Variants in ADK observed in about 807,000 individuals in gnomAD.
The protein encoded by ADK is N6,N6-dimethyladenosine kinase.
In ADK, 24 loss-of-function variants were observed where a neutral mutation model predicts 44.7. The ratio of observed to expected loss-of-function variants is 0.54; its 90% CI spans 0.39 to 0.76. The LOEUF is 0.76. Ranked by LOEUF, ADK falls within the 30% of genes least tolerant of loss-of-function variation. The pLI is 0.00. For missense variants in ADK, 321 were observed against 425.1 expected, an observed-to-expected ratio of 0.76 and a Z score of 2.15; for synonymous variants, 128 against 142.6, an observed-to-expected ratio of 0.90 and a Z score of 0.73.
intron 7 of ADK, among the ~76,000 whole-genome samples, chr10:74,538,276 T>C (rs1849521481): frequency 6.7e-6 from 1 of 149,954 alleles, no homozygotes; most frequent in African/African-American, 2.5e-5. Flanking sequence ...AAAAAGGTAA[T>C]GTATTGCTCT....
chr10:74,657,769 G>T (rs552300849), intron 9 of ADK, among the ~76,000 whole-genome samples: 2 of 152,164 alleles, frequency 1.3e-5, no homozygotes, highest in Non-Finnish European at 2.9e-5. Flanking sequence ...CTACCTATAA[G>T]GAGTTCAAAG....
At chr10:74,704,374 G>A (rs1354198410) in intron 10 of ADK, among the ~76,000 whole-genome samples, 2 of 151,978 alleles carry the variant, frequency 1.3e-5, no homozygotes, top group Admixed American at 6.6e-5. Context: ...AAGTATCTTG[G>A]GGATGTTTAC....
At chr10:74,370,499 T>C (rs1048214059) in intron 4 of ADK, among the ~76,000 whole-genome samples, 1 of 152,188 alleles carries the variant, frequency 6.6e-6, no homozygotes, top group Non-Finnish European at 1.5e-5. Context: ...AATCATAACA[T>C]TGACCATCTG....
At chr10:74,420,809 T>C (rs1844530469) in intron 6 of ADK, among the ~76,000 whole-genome samples, 1 of 152,188 alleles carries the variant, frequency 6.6e-6, no homozygotes, top group Non-Finnish European at 1.5e-5. Context: ...TTAGGTTTTA[T>C]TCTGTGAAGA....
chr10:74,367,495 G>A (rs1431740538), intron 4 of ADK, among the ~76,000 whole-genome samples: 1 of 152,138 alleles, frequency 6.6e-6, no homozygotes, highest in Non-Finnish European at 1.5e-5. Flanking sequence ...TAAATAAAAT[G>A]TTGATAAAGG....
chr10:74,300,358 C>T (rs138229018), intron 3 of ADK, among the ~76,000 whole-genome samples: 2,134 of 63,684 alleles, frequency 0.034, 86 homozygotes, highest in African/African-American at 0.083. Flanking sequence ...TTCCTTCCTT[C>T]CTTTCTTTCT....
chr10:74,287,707 G>C (rs1847232646), intron 3 of ADK, among the ~76,000 whole-genome samples: 2 of 151,858 alleles, frequency 1.3e-5, no homozygotes, highest in African/African-American at 2.4e-5. Context: ...TATAAAACTC[G>C]AATACCAGAT....
At chr10:74,306,128 C>T (rs1840240841) in intron 3 of ADK, among the ~76,000 whole-genome samples, 1 of 151,460 alleles carries the variant, frequency 6.6e-6, no homozygotes. Context: ...AGGTCTGAGT[C>T]TTTTTTCATT....
chr10:74,513,314 T>A (rs183574658), intron 6 of ADK, among the ~76,000 whole-genome samples: 1 of 152,282 alleles, frequency 6.6e-6, no homozygotes, highest in Admixed American at 6.5e-5. Context: ...TGTTGACTTT[T>A]TGTCTACATA....
intron 1 of ADK, chr10:74,174,310 T>A (rs1842255684): frequency 2.2e-5 from 2 of 89,088 alleles, no homozygotes; most frequent in African/African-American, 4.9e-5. Context: ...TGAGACTCCA[T>A]CTCAAAAAAA....
At chr10:74,433,429 T>C (rs902658853) in intron 6 of ADK, among the ~76,000 whole-genome samples, 1 of 152,194 alleles carries the variant, frequency 6.6e-6, no homozygotes. Flanking sequence ...ATCTGCCTAA[T>C]TGAGCCATCA....
intron 4 of ADK, among the ~76,000 whole-genome samples, chr10:74,384,122 T>C (rs1390408546): frequency 1.3e-5 from 2 of 152,182 alleles, no homozygotes; most frequent in African/African-American, 4.8e-5. Flanking sequence ...TTAAAATAAA[T>C]AGTAACATAT....
At chr10:74,527,372 C>A (rs866514684) in intron 7 of ADK, among the ~76,000 whole-genome samples, 95 of 138,612 alleles carry the variant, frequency 6.9e-4, no homozygotes, top group South Asian at 2.4e-3. Context: ...AACAAACAAA[C>A]AAAAAAAAAA....
intron 4 of ADK, among the ~76,000 whole-genome samples, chr10:74,343,579 T>A (rs900803186): frequency 2.6e-5 from 4 of 151,882 alleles, no homozygotes; most frequent in African/African-American, 9.7e-5. Context: ...TGTTCTGGAG[T>A]CAATTGTAGT....
intron 7 of ADK, among the ~76,000 whole-genome samples, chr10:74,547,438 A>G: frequency 1.6e-5 from 1 of 61,500 alleles, no homozygotes; most frequent in East Asian, 2.5e-4. Flanking sequence ...CTTTATATAT[A>G]TATATATATT....
intron 10 of ADK, among the ~76,000 whole-genome samples, chr10:74,671,084 C>G (rs1855161409): frequency 7.1e-6 from 1 of 140,626 alleles, no homozygotes; most frequent in African/African-American, 2.6e-5. Context: ...ATGATTGTCC[C>G]TTTTTCTCTG....
chr10:74,446,093 A>G (rs1292850806), intron 6 of ADK, among the ~76,000 whole-genome samples: 2 of 152,104 alleles, frequency 1.3e-5, no homozygotes, highest in Admixed American at 1.3e-4. Context: ...TGCTAGTTGA[A>G]TGCTGAAATG....
intron 10 of ADK, among the ~76,000 whole-genome samples, chr10:74,689,617 T>G (rs896215530): frequency 2.8e-4 from 42 of 152,326 alleles, no homozygotes; most frequent in African/African-American, 9.9e-4. Context: ...TAATAGAACC[T>G]TGCCCTGTCC....
At chr10:74,276,395 C>T (rs1342963337) in intron 3 of ADK, among the ~76,000 whole-genome samples, 1 of 152,154 alleles carries the variant, frequency 6.6e-6, no homozygotes, top group East Asian at 1.9e-4. Context: ...TTTCTGGGCC[C>T]CAACACTGGG....
Sources: gnomAD v4.1 joint callset for allele counts (sites outside exome capture counted in the v4.1 genomes callset) on GRCh38, gnomAD v4.1.1 for gene constraint, MANE v1.5 for transcripts, NCBI Gene and HGNC (gene_info 2026-07-23, HGNC 2026-07-21) for gene names.